Variants in BTLA observed in about 807,000 individuals in gnomAD.
The protein encoded by BTLA is B and T lymphocyte associated, also known as B- and T-lymphocyte attenuator.
BTLA carries 11 observed loss-of-function variants against 25.0 expected under a neutral mutation model. That is an observed-to-expected ratio of 0.44 (90% CI 0.28 to 0.73). The LOEUF (loss-of-function observed/expected upper bound fraction) is 0.73. Ranked by LOEUF, BTLA falls within the 30% of genes least tolerant of loss-of-function variation. BTLA has a pLI of 0.15. For missense variants in BTLA, 282 were observed against 332.8 expected, an observed-to-expected ratio of 0.85 and a Z score of 1.19; for synonymous variants, 104 against 119.8, an observed-to-expected ratio of 0.87 and a Z score of 0.86.
At chr3:112,482,260 C>T (rs1371464908) in intron 1 of BTLA, among the ~76,000 whole-genome samples, 1 of 152,150 alleles carries the variant, frequency 6.6e-6, no homozygotes, top group Non-Finnish European at 1.5e-5. Flanking sequence ...TTATTTCACT[C>T]ATTTTCATGC....
chr3:112,485,185 C>A (rs1426520774), intron 1 of BTLA, among the ~76,000 whole-genome samples: 1 of 151,632 alleles, frequency 6.6e-6, no homozygotes, highest in East Asian at 1.9e-4. Context: ...GCTGGGATTA[C>A]AGGCACCCAC....
rs778135833 is a variant in BTLA, at chr3:112,499,272, A to G, written c.87T>C (p.His29=). The G allele has an allele frequency of 1.3e-6, 2 of 1,597,606 alleles. No individual in the cohort carries two copies. The highest frequency in any genetic ancestry group is 1.7e-6 in the Non-Finnish European group (2 of 1,165,106). ...LIPYLDIWNI[H]GKESCDVQLY... ...AAATAACCTAAGCAGGTGCCTTACC[A>G]TGGATGTTCCAGATGTCCAGATATG... Residue 29 remains histidine, a splice_region_variant and synonymous_variant, in exon 1 of 5, where the codon CAT becomes CAC. Transcript: ENST00000334529.
rs757507969 is a variant in BTLA, at chr3:112,471,321, G to C, written c.438C>G (p.Asp146Glu). 1 of 1,613,884 alleles carries C rather than the reference G, an allele frequency of 6.2e-7. No individual in the cohort carries two copies. Among genetic ancestry groups the C allele is most frequent in the African/African-American group, 1.3e-5 (1 of 74,996 alleles). Residue 146 changes from aspartate to glutamate, a missense_variant, in exon 3 of 5, where the codon GAC becomes GAG. Around this residue, in one of 2 missense-constraint regions of BTLA, gnomAD observed 163 missense variants for 230.4 expected, o/e 0.71. Transcript: ENST00000334529. ...VKSASERPSK[D>E]EMASRPWLLY... The stretch of plus-strand genomic sequence containing the variant: ...GGAGCCAGGGTCTGCTTGCCATTTC[G>C]TCCTTGGAGGGTCGTTCTGAGGCAC...
At chr3:112,496,909 G>A (rs1219893082) in intron 1 of BTLA, among the ~76,000 whole-genome samples, 1 of 152,104 alleles carries the variant, frequency 6.6e-6, no homozygotes, top group Non-Finnish European at 1.5e-5. Context: ...TATATTTTTA[G>A]TAGAGACGGG....
intron 1 of BTLA, among the ~76,000 whole-genome samples, chr3:112,494,058 G>A (rs772987902): frequency 1.6e-4 from 25 of 152,040 alleles, no homozygotes; most frequent in African/African-American, 2.4e-4. Context: ...TGCAGTGAGC[G>A]GAGATTGCGC....
chr3:112,468,478 A>C (rs146320561), intron 4 of BTLA, among the ~76,000 whole-genome samples: 1,890 of 152,322 alleles, frequency 0.012, 25 homozygotes, highest in African/African-American at 0.043. Flanking sequence ...TGGGGCAAAA[A>C]TCTTCAAATT....
intron 3 of BTLA, among the ~76,000 whole-genome samples, chr3:112,470,670 T>C (rs572522373): frequency 2.4e-4 from 37 of 152,184 alleles, no homozygotes; most frequent in Non-Finnish European, 4.0e-4. Context: ...AAACCCACAT[T>C]TTTCATATGC....
At chr3:112,487,794 T>C (rs1463009133) in intron 1 of BTLA, among the ~76,000 whole-genome samples, 2 of 152,208 alleles carry the variant, frequency 1.3e-5, no homozygotes, top group East Asian at 3.9e-4. Context: ...GGATATGATA[T>C]AATCTCTCAG....
At chr3:112,478,500 C>T (rs2082300826) in intron 2 of BTLA, among the ~76,000 whole-genome samples, 1 of 152,012 alleles carries the variant, frequency 6.6e-6, no homozygotes, top group Non-Finnish European at 1.5e-5. Flanking sequence ...TTGCTAAATT[C>T]ATGTATTAGC....
At chr3:112,469,599 G>A (rs2082248825) in intron 4 of BTLA, among the ~76,000 whole-genome samples, 159 bp downstream of exon 4, 1 of 75,896 alleles carries the variant, frequency 1.3e-5, no homozygotes, top group Non-Finnish European at 2.7e-5. Context: ...TTTTAAAAAT[G>A]GGTCTATGTA....
intron 1 of BTLA, among the ~76,000 whole-genome samples, chr3:112,487,700 C>T (rs1028154588): frequency 2.0e-5 from 3 of 152,132 alleles, no homozygotes; most frequent in Admixed American, 6.5e-5. Context: ...ACATTAGTAA[C>T]GAGACAGTTT....
intron 2 of BTLA, among the ~76,000 whole-genome samples, chr3:112,472,830 T>C (rs1338892456): frequency 6.6e-6 from 1 of 152,088 alleles, no homozygotes; most frequent in African/African-American, 2.4e-5. Flanking sequence ...TAACAAATGT[T>C]GTCTATTGAT....
Position 112,470,127 on chromosome 3 carries a change from C to T in BTLA, c.548-323G>A, listed in dbSNP as rs149308086. On this transcript the variant is annotated intron_variant, in intron 3 of 4. Transcript: ENST00000334529. The stretch of plus-strand genomic sequence containing the variant: ...TGCCAGAAATGCTGCTGTCCTGTCA[C>T]CTATGTAGCCAAGATCTCCTACTAC... The T allele has an allele frequency of 3.3e-3, 661 of 199,110 alleles. 10 individuals are homozygous for T. The highest frequency in any genetic ancestry group is 0.015 in the African/African-American group (641 of 43,236). 12.3% of individuals were successfully genotyped at this position (199,110 alleles called of 1,614,324 possible). A position where few individuals can be genotyped will look rare whatever the true frequency, so the allele number is the denominator to read the frequency against.
At chr3:112,483,958 ACT>A (rs971957680) in intron 1 of BTLA, among the ~76,000 whole-genome samples, 27 of 143,934 alleles carry the variant, frequency 1.9e-4, no homozygotes, top group African/African-American at 6.9e-4. Flanking sequence ...ACACAGTAAG[ACT>A]CTGTCTCAAA....
intron 2 of BTLA, among the ~76,000 whole-genome samples, chr3:112,477,184 G>T (rs1360446415): frequency 6.6e-6 from 1 of 152,066 alleles, no homozygotes; most frequent in Non-Finnish European, 1.5e-5. Flanking sequence ...AATTTCATTT[G>T]AGTATTTACC....
At chr3:112,497,717 T>C (rs2082417023) in intron 1 of BTLA, among the ~76,000 whole-genome samples, 2 of 152,086 alleles carry the variant, frequency 1.3e-5, no homozygotes, top group South Asian at 4.1e-4. Context: ...TTTTTTACTT[T>C]GCACTTGGTT....
chr3:112,470,614 T>C (rs2082256873), intron 3 of BTLA, among the ~76,000 whole-genome samples: 2 of 152,184 alleles, frequency 1.3e-5, no homozygotes, highest in Non-Finnish European at 2.9e-5. Flanking sequence ...CTTGCAAAAG[T>C]AGAAAGGAAT....
At position 112,465,565 on chromosome 3, in the gene BTLA, AT is replaced by A. The variant is rs1559821648; in HGVS notation, c.*542del. 6.6e-6 allele frequency: 1 copy of A among 152,528 alleles called. No individual in the cohort carries two copies. Among genetic ancestry groups the A allele is most frequent in the Non-Finnish European group, 1.5e-5 (1 of 68,018 alleles). The allele number at this position is 152,528 out of a possible 1,614,324, so 9.4% of individuals were successfully genotyped here. On this transcript the variant is annotated 3_prime_UTR_variant, in exon 5 of 5. Coordinates refer to ENST00000334529, the MANE Select transcript of BTLA (RefSeq NM_181780.4). Reference sequence around the variant, plus strand: ...TTTTATTGCACCATTTATTATTTTCATTTTCTTACATCAAGCCTAAAATGAT... The same window carrying A: ...TTTTATTGCACCATTTATTATTTTCATTTCTTACATCAAGCCTAAAATGAT...
chr3:112,473,205 G>A (rs749110905), intron 2 of BTLA, among the ~76,000 whole-genome samples: 4 of 151,720 alleles, frequency 2.6e-5, no homozygotes, highest in Non-Finnish European at 5.9e-5. Context: ...GTACTCTCAC[G>A]TGTCCAAAAC....
Sources: gnomAD v4.1 joint callset for allele counts (sites outside exome capture counted in the v4.1 genomes callset) on GRCh38, gnomAD v4.1.1 for gene constraint, gnomAD v4.1.1 regional missense constraint, MANE v1.5 for transcripts, NCBI Gene and HGNC (gene_info 2026-07-23, HGNC 2026-07-21) for gene names.